The following CSMD1 variants were observed in gnomAD, a reference collection of about 807,000 sequenced individuals.
CSMD1 encodes the protein CUB and sushi domain-containing protein 1.
In CSMD1, 213 loss-of-function variants were observed where a neutral mutation model predicts 417.5. The observed-to-expected ratio is 0.51, with a 90% confidence interval of 0.46 to 0.57. CSMD1 has a LOEUF of 0.57. Among genes scored for constraint, CSMD1 ranks in the 20% least tolerant of loss-of-function variants. The pLI is 0.00. For missense variants in CSMD1, 6,923 were observed against 4,529.7 expected (o/e 1.53, Z -15.17); for synonymous variants, 2,862 against 1,736.8 (o/e 1.65, Z -16.11).
chr8:4,205,872 CT>C (rs1355601379), intron 3 of CSMD1, among the ~76,000 whole-genome samples: 1 of 152,128 alleles, frequency 6.6e-6, no homozygotes, highest in Non-Finnish European at 1.5e-5. Flanking sequence ...AGAAAATGAA[CT>C]TCCTATTATG....
At chr8:4,921,717 T>G (rs1806510992) in intron 1 of CSMD1, among the ~76,000 whole-genome samples, 1 of 152,200 alleles carries the variant, frequency 6.6e-6, no homozygotes, top group African/African-American at 2.4e-5. Context: ...CAATGTTTAC[T>G]CACCCTAAGA....
chr8:3,849,317 T>G (rs1190320149), intron 5 of CSMD1, among the ~76,000 whole-genome samples: 1 of 152,122 alleles, frequency 6.6e-6, no homozygotes, highest in Non-Finnish European at 1.5e-5. Flanking sequence ...GAAGGAAGTT[T>G]CTGCACCAGA....
chr8:2,957,496 C>T (rs1174838969), intron 63 of CSMD1, among the ~76,000 whole-genome samples, 200 bp downstream of exon 63: 1 of 152,172 alleles, frequency 6.6e-6, no homozygotes, highest in Non-Finnish European at 1.5e-5. Context: ...AAGGATGGGG[C>T]TTGAGAGCAG....
intron 6 of CSMD1, among the ~76,000 whole-genome samples, chr8:3,734,010 G>C (rs1043268568): frequency 2.0e-5 from 3 of 152,098 alleles, no homozygotes; most frequent in Non-Finnish European, 4.4e-5. Flanking sequence ...AAGGGTGTGA[G>C]TGTGTATATG....
chr8:3,675,959 C>A (rs990569231), intron 7 of CSMD1, among the ~76,000 whole-genome samples: 24 of 152,096 alleles, frequency 1.6e-4, no homozygotes, highest in Admixed American at 1.1e-3. Flanking sequence ...TTTTCTCAGC[C>A]CAGGCCTGCC....
intron 7 of CSMD1, among the ~76,000 whole-genome samples, chr8:3,693,784 T>C (rs1350107122): frequency 6.6e-6 from 1 of 151,878 alleles, no homozygotes; most frequent in Non-Finnish European, 1.5e-5. Context: ...TGAATATAGA[T>C]GTGTGTTGGC....
intron 1 of CSMD1, among the ~76,000 whole-genome samples, chr8:4,726,423 G>A (rs149346523): frequency 6.6e-6 from 1 of 152,052 alleles, no homozygotes; most frequent in Non-Finnish European, 1.5e-5. Flanking sequence ...GTAGTTCACA[G>A]AATTTGTTTT....
chr8:4,678,494 G>A (rs115123535), intron 1 of CSMD1, among the ~76,000 whole-genome samples: 3 of 152,136 alleles, frequency 2.0e-5, no homozygotes, highest in Non-Finnish European at 4.4e-5. Context: ...AACTACACAT[G>A]ATAGTTCTTG....
intron 1 of CSMD1, among the ~76,000 whole-genome samples, chr8:4,784,911 T>C (rs547573524): frequency 4.6e-5 from 7 of 152,258 alleles, no homozygotes; most frequent in African/African-American, 1.7e-4. Context: ...ACTGACAGCA[T>C]TGAAAGTTTA....
intron 11 of CSMD1, among the ~76,000 whole-genome samples, chr8:3,490,832 C>A (rs571348145): frequency 1.3e-5 from 2 of 151,928 alleles, no homozygotes; most frequent in African/African-American, 4.8e-5. Flanking sequence ...GATATCTGGG[C>A]CCTCAGATGT....
At chr8:4,620,350 T>C (rs1299072033) in intron 2 of CSMD1, among the ~76,000 whole-genome samples, 1 of 151,604 alleles carries the variant, frequency 6.6e-6, no homozygotes, top group African/African-American at 2.4e-5. Context: ...TAAAAGCTAC[T>C]AACATAGACA....
intron 11 of CSMD1, chr8:3,469,054 T>C (rs1243603670): frequency 2.6e-6 from 1 of 382,386 alleles, no homozygotes; most frequent in Admixed American, 4.4e-5. Context: ...TCGTGAATTT[T>C]CTTTTAAAAA....
chr8:4,109,648 T>A (rs1384526128), intron 3 of CSMD1, among the ~76,000 whole-genome samples: 3 of 152,162 alleles, frequency 2.0e-5, no homozygotes, highest in African/African-American at 4.8e-5. Flanking sequence ...TTGGCAACCT[T>A]GTAAGTTTGT....
intron 57 of CSMD1, among the ~76,000 whole-genome samples, chr8:2,971,711 G>C (rs1804472075): frequency 6.6e-6 from 1 of 152,176 alleles, no homozygotes; most frequent in East Asian, 1.9e-4. Context: ...TACAAGATGA[G>C]AGGGAACTGA....
At chr8:3,813,132 T>C (rs1801177832) in intron 5 of CSMD1, among the ~76,000 whole-genome samples, 1 of 149,076 alleles carries the variant, frequency 6.7e-6, no homozygotes, top group Non-Finnish European at 1.5e-5. Context: ...GACTTTCACA[T>C]ATGTTCCCAC....
At chr8:3,522,500 G>C (rs192653827) in intron 10 of CSMD1, among the ~76,000 whole-genome samples, 5 of 152,120 alleles carry the variant, frequency 3.3e-5, no homozygotes, top group African/African-American at 1.2e-4. Context: ...AAAATATTTT[G>C]TGAGTTTTGT....
intron 5 of CSMD1, among the ~76,000 whole-genome samples, chr8:3,893,359 A>ATATATATATATATATATATATG (rs1807122015): frequency 7.3e-6 from 1 of 136,248 alleles, no homozygotes; most frequent in Non-Finnish European, 1.6e-5. Flanking sequence ...ATATATATAT[A>ATATATATATATATATATATATG]TATTATTTTT....
At chr8:4,201,753 C>G (rs1274009502) in intron 3 of CSMD1, among the ~76,000 whole-genome samples, 1 of 151,820 alleles carries the variant, frequency 6.6e-6, no homozygotes, top group Non-Finnish European at 1.5e-5. Flanking sequence ...GATACATGGA[C>G]TCTTGAGAGT....
chr8:4,235,379 G>C (rs1007603865), intron 3 of CSMD1, among the ~76,000 whole-genome samples: 18 of 147,344 alleles, frequency 1.2e-4, no homozygotes, highest in African/African-American at 4.2e-4. Context: ...TTGTTTGTTT[G>C]TTTTTTGTTT....
Sources: gnomAD v4.1 joint callset for allele counts (sites outside exome capture counted in the v4.1 genomes callset) on GRCh38, gnomAD v4.1.1 for gene constraint, MANE v1.5 for transcripts, NCBI Gene and HGNC (gene_info 2026-07-23, HGNC 2026-07-21) for gene names.